CSMD3: variants seen among roughly 807,000 people sequenced by gnomAD.
CSMD3 encodes CUB and Sushi multiple domains 3.
In CSMD3, 177 loss-of-function variants were observed where a neutral mutation model predicts 435.2. That is an observed-to-expected ratio of 0.41 (90% CI 0.36 to 0.46). CSMD3 has a LOEUF of 0.46. Among genes scored for constraint, CSMD3 ranks in the 20% least tolerant of loss-of-function variants. CSMD3 has a pLI of 0.34. For missense variants in CSMD3, 4,265 were observed against 4,504.6 expected, an observed-to-expected ratio of 0.95 and a Z score of 1.52; for synonymous variants, 1,656 against 1,520.5, an observed-to-expected ratio of 1.09 and a Z score of -2.07.
At chr8:113,196,414 G>A (rs1399131635) in intron 3 of CSMD3, among the ~76,000 whole-genome samples, 1 of 151,092 alleles carries the variant, frequency 6.6e-6, no homozygotes, top group Non-Finnish European at 1.5e-5. Context: ...ATAGACTTTA[G>A]AAGATACTGT....
intron 13 of CSMD3, among the ~76,000 whole-genome samples, chr8:112,794,509 G>A (rs2078776534): frequency 6.6e-6 from 1 of 151,732 alleles, no homozygotes; most frequent in Non-Finnish European, 1.5e-5. Context: ...TGGCCAGGCT[G>A]GTCTCGAACT....
chr8:113,112,889 G>C (rs903886162), intron 4 of CSMD3, among the ~76,000 whole-genome samples: 1 of 152,114 alleles, frequency 6.6e-6, no homozygotes, highest in African/African-American at 2.4e-5. Context: ...TTTTGCAAGT[G>C]GAGTACTGGC....
At chr8:112,504,026 T>C in intron 29 of CSMD3, 49 bp from the exon 30 acceptor site, 1 of 1,195,802 alleles carries the variant, frequency 8.4e-7, no homozygotes, top group Non-Finnish European at 1.2e-6. Flanking sequence ...AGTAGGATAA[T>C]TATTATTAGG....
chr8:112,601,846 C>T (rs1832376041), intron 22 of CSMD3, among the ~76,000 whole-genome samples: 1 of 152,152 alleles, frequency 6.6e-6, no homozygotes, highest in Admixed American at 6.5e-5. Context: ...TGGAAATATG[C>T]TCTCTACGAT....
At chr8:112,335,994 C>A (rs1460160613) in intron 44 of CSMD3, among the ~76,000 whole-genome samples, 1 of 152,066 alleles carries the variant, frequency 6.6e-6, no homozygotes, top group Non-Finnish European at 1.5e-5. Flanking sequence ...CTCACTGCAC[C>A]TTTGACCTCC....
chr8:112,343,451 C>A (rs1213290916), intron 41 of CSMD3, among the ~76,000 whole-genome samples: 1 of 152,118 alleles, frequency 6.6e-6, no homozygotes, highest in Non-Finnish European at 1.5e-5. Flanking sequence ...AAGTCCCCAG[C>A]AACCTTCTCT....
intron 1 of CSMD3, among the ~76,000 whole-genome samples, chr8:113,394,613 G>A (rs2094475115): frequency 6.6e-6 from 1 of 151,912 alleles, no homozygotes; most frequent in South Asian, 2.1e-4. Flanking sequence ...GTGCATCAAA[G>A]GAAAATTATA....
At chr8:112,263,584 G>C (rs975783513) in intron 61 of CSMD3, 55 bp downstream of exon 61, 2 of 1,444,852 alleles carry the variant, frequency 1.4e-6, no homozygotes, top group African/African-American at 2.8e-5. Context: ...CTCATATTTG[G>C]TCTAGAAAAA....
chr8:112,647,016 C>T (rs2074998252), intron 19 of CSMD3, among the ~76,000 whole-genome samples: 1 of 152,142 alleles, frequency 6.6e-6, no homozygotes, highest in Admixed American at 6.5e-5. Context: ...GCCCCCACAA[C>T]AACCTTTTGA....
intron 50 of CSMD3, among the ~76,000 whole-genome samples, chr8:112,307,708 T>C (rs534557708): frequency 3.2e-4 from 48 of 152,332 alleles, no homozygotes; most frequent in Middle Eastern, 6.8e-3. Flanking sequence ...CTGATAGATA[T>C]ATGTAGTGCA....
intron 1 of CSMD3, among the ~76,000 whole-genome samples, chr8:113,408,681 T>A (rs1241814399): frequency 2.0e-5 from 3 of 147,802 alleles, no homozygotes; most frequent in African/African-American, 7.5e-5. Context: ...TGAAACAGAG[T>A]CTTGCTCGCT....
At chr8:113,313,267 C>T (rs1490413280) in intron 2 of CSMD3, 2 of 152,142 alleles carry the variant, frequency 1.3e-5, no homozygotes, top group African/African-American at 4.8e-5. Context: ...CCATTTTCCC[C>T]ACTACATTAT....
At chr8:112,829,648 C>T (rs756861530) in intron 12 of CSMD3, 38 bp downstream of exon 12, 21 of 1,209,520 alleles carry the variant, frequency 1.7e-5, no homozygotes, top group Middle Eastern at 3.8e-4. Context: ...TATTAGTACC[C>T]GATAGGCTAA....
intron 10 of CSMD3, among the ~76,000 whole-genome samples, chr8:112,913,504 T>C (rs1417455377): frequency 1.3e-5 from 2 of 151,864 alleles, no homozygotes; most frequent in African/African-American, 2.4e-5. Flanking sequence ...CTTTTTTGTA[T>C]AGCTCTTAGC....
At chr8:113,148,393 T>C (rs10955648) in intron 4 of CSMD3, among the ~76,000 whole-genome samples, 19,497 of 151,706 alleles carry the variant, frequency 0.13, 2,177 homozygotes, top group African/African-American at 0.3. Flanking sequence ...GGATCAGTTA[T>C]ATGCTCTCGT....
intron 13 of CSMD3, among the ~76,000 whole-genome samples, chr8:112,723,291 C>T (rs2076899304): frequency 6.6e-6 from 1 of 152,066 alleles, no homozygotes; most frequent in Non-Finnish European, 1.5e-5. Flanking sequence ...CATGCTATTC[C>T]TATTTCCTAA....
intron 1 of CSMD3, among the ~76,000 whole-genome samples, chr8:113,342,597 C>T (rs1300220020): frequency 6.6e-6 from 1 of 152,098 alleles, no homozygotes; most frequent in East Asian, 1.9e-4. Context: ...TGACTCAACT[C>T]GACTCTACTC....
At chr8:112,748,144 A>T (rs1289744414) in intron 13 of CSMD3, among the ~76,000 whole-genome samples, 1 of 152,106 alleles carries the variant, frequency 6.6e-6, no homozygotes, top group Non-Finnish European at 1.5e-5. Context: ...AAAGAGAAAG[A>T]TCATTATCTA....
Position 112,880,335 on chromosome 8 carries a change from G to A in CSMD3, c.1634-21069C>T, listed in dbSNP as rs4610783. On this transcript the variant is annotated intron_variant, in intron 10 of 70. Coordinates refer to ENST00000297405, the MANE Select transcript of CSMD3 (RefSeq NM_198123.2). Reference sequence around the variant, plus strand: ...CAAAAAGAATAAGGTGGGATCCTACGCTTAAGGAGCTTGCAGTCTTAAATG... The same window carrying A: ...CAAAAAGAATAAGGTGGGATCCTACACTTAAGGAGCTTGCAGTCTTAAATG... Among the ~76,000 whole-genome samples, 360 of 152,108 alleles carry A rather than the reference G, an allele frequency of 2.4e-3. 1 individual carries two copies. Among genetic ancestry groups the A allele is most frequent in the African/African-American group, 8.3e-3 (343 of 41,522 alleles).
Sources: allele counts gnomAD v4.1 joint callset (sites outside exome capture counted in the v4.1 genomes callset), GRCh38; gene constraint gnomAD v4.1.1; transcripts MANE v1.5; gene names NCBI Gene and HGNC (gene_info 2026-07-23, HGNC 2026-07-21).